The following FHDC1 variants were observed in gnomAD, a reference collection of about 807,000 sequenced individuals.
The protein encoded by FHDC1 is FH2 domain containing 1.
In FHDC1, 25 loss-of-function variants were observed where a neutral mutation model predicts 52.6. The observed-to-expected ratio is 0.48, with a 90% CI of 0.35 to 0.66. FHDC1 has a LOEUF of 0.66. FHDC1 is among the 30% of genes least tolerant of loss of function. The pLI, the probability that FHDC1 is intolerant of heterozygous loss-of-function variation, is 0.01. For synonymous variants in FHDC1, 616 were observed against 581.5 expected, an observed-to-expected ratio of 1.06 and a Z score of -0.85; for missense variants, 1,459 against 1,452.8, an observed-to-expected ratio of 1.00 and a Z score of -0.07.
the FHDC1 span, among the ~76,000 whole-genome samples, chr4:152,921,897 A>G: frequency 6.6e-6 from 1 of 152,214 alleles, no homozygotes; most frequent in African/African-American, 2.4e-5. Flanking sequence ...TGTCCACAAG[A>G]GAAAGCAGGA....
At chr4:152,955,103 T>A (rs999491576) in intron 4 of FHDC1, among the ~76,000 whole-genome samples, 8 of 152,008 alleles carry the variant, frequency 5.3e-5, no homozygotes, top group East Asian at 3.8e-4. Flanking sequence ...TATACTTTTT[T>A]TAAAAAAAAA....
chr4:152,958,048 C>T (rs544862239), intron 4 of FHDC1, among the ~76,000 whole-genome samples: 1 of 152,244 alleles, frequency 6.6e-6, no homozygotes, highest in East Asian at 1.9e-4. Flanking sequence ...TTCCCACCTT[C>T]TTGGTTGACT....
At chr4:152,932,874 G>A (rs1336605563), upstream of FHDC1, among the ~76,000 whole-genome samples, 5 of 152,194 alleles carry the variant, frequency 3.3e-5, no homozygotes, top group African/African-American at 1.2e-4. Context: ...AATACTTGAT[G>A]TAGGAGAAAC....
At chr4:152,951,179 A>C (rs1345024536) in intron 2 of FHDC1, among the ~76,000 whole-genome samples, 1 of 152,208 alleles carries the variant, frequency 6.6e-6, no homozygotes, top group East Asian at 1.9e-4. Flanking sequence ...TCCTAGGTGA[A>C]TGCAGAGGAA....
chr4:152,920,464 AG>A, the FHDC1 span, among the ~76,000 whole-genome samples: 1 of 152,204 alleles, frequency 6.6e-6, no homozygotes, highest in African/African-American at 2.4e-5. Context: ...ACTAATGAAA[AG>A]GGTACTTGAA....
the FHDC1 span, among the ~76,000 whole-genome samples, chr4:152,917,347 G>T: frequency 6.6e-6 from 1 of 151,980 alleles, no homozygotes; most frequent in Non-Finnish European, 1.5e-5. Flanking sequence ...TTATACACTG[G>T]TAATTTTTAA....
At chr4:152,927,977 G>C in the FHDC1 span, 2 of 1,488,528 alleles carry the variant, frequency 1.3e-6, no homozygotes, top group Non-Finnish European at 1.9e-6. Context: ...CCCTGAGCCA[G>C]ATGACAAGAA....
chr4:152,962,599 G>C (rs927198463), intron 6 of FHDC1, among the ~76,000 whole-genome samples: 1 of 152,148 alleles, frequency 6.6e-6, no homozygotes, highest in African/African-American at 2.4e-5. Flanking sequence ...ATACCTATTT[G>C]ATTTCCAAGT....
chr4:152,973,585 C>T (rs1377643225), intron 11 of FHDC1, among the ~76,000 whole-genome samples: 2 of 152,328 alleles, frequency 1.3e-5, no homozygotes, highest in Non-Finnish European at 2.9e-5. Context: ...GAGCCAGGCA[C>T]CGGCCCCACC....
intron 9 of FHDC1, among the ~76,000 whole-genome samples, chr4:152,965,936 C>A (rs191005182): frequency 2.0e-3 from 298 of 152,296 alleles, no homozygotes; most frequent in African/African-American, 6.7e-3. Context: ...GTTACTGATT[C>A]TATGAATATC....
Position 152,954,273 on chromosome 4 carries a change from C to T in FHDC1, c.617C>T (p.Ser206Leu). Residue 206 changes from serine (S) to leucine (L), a missense_variant, in exon 4 of 12, where the codon TCA (serine) becomes TTA (leucine). Transcript: ENST00000511601. ...IHQGKSEHYG[S>L]ETLREFLKFL... ...CAAGGAAAAAGTGAGCATTATGGAT[C>T]AGAGACCTTGCGAGAATTTCTTAAG... The T allele has an allele frequency of 1.2e-6, 2 of 1,614,188 alleles. No homozygotes were observed. Among genetic ancestry groups the T allele is most frequent in the Non-Finnish European group, 1.7e-6 (2 of 1,180,006 alleles).
the FHDC1 span, among the ~76,000 whole-genome samples, chr4:152,923,352 TAAAAG>T: frequency 3.5e-4 from 53 of 152,034 alleles, no homozygotes; most frequent in Non-Finnish European, 5.7e-4. Flanking sequence ...CTCAAGGAAA[TAAAAG>T]AGAATACAAA....
chr4:152,913,943 A>G, the FHDC1 span, among the ~76,000 whole-genome samples: 468 of 152,276 alleles, frequency 3.1e-3, 4 homozygotes, highest in African/African-American at 0.011. Context: ...CACCTCCCAA[A>G]GTGCTGGGAT....
intron 9 of FHDC1, among the ~76,000 whole-genome samples, chr4:152,966,785 A>G (rs1740469592): frequency 6.6e-6 from 1 of 152,036 alleles, no homozygotes; most frequent in Non-Finnish European, 1.5e-5. Flanking sequence ...TCTTGATTTG[A>G]TGTATATAAC....
At chr4:152,953,387 A>G in intron 2 of FHDC1, 112 bp from the exon 3 acceptor site, 5 of 776,218 alleles carry the variant, frequency 6.4e-6, no homozygotes, top group Non-Finnish European at 8.5e-6. Context: ...ATACATTGGG[A>G]ATTATTCTCT....
chr4:152,945,913 C>T (rs755187635), intron 2 of FHDC1, among the ~76,000 whole-genome samples: 2 of 152,214 alleles, frequency 1.3e-5, no homozygotes, highest in Non-Finnish European at 2.9e-5. Flanking sequence ...TAGCCCCTGG[C>T]AGGCACCATT....
At chr4:152,956,805 C>G (rs1239344756) in intron 4 of FHDC1, among the ~76,000 whole-genome samples, 1 of 152,200 alleles carries the variant, frequency 6.6e-6, no homozygotes. Context: ...CACTTCGCCT[C>G]CTTGTTTACA....
rs774934667 is a variant in FHDC1 at position 152,976,476 on chromosome 4, G to C, written c.3185G>C (p.Arg1062Pro). The C allele has an allele frequency of 1.9e-6, 3 of 1,613,480 alleles. No individual in the cohort carries two copies. The African/African-American group carries it at 4.0e-5, about 22-fold the overall frequency. Residue 1062 changes from arginine to proline, a missense_variant, in exon 12 of 12, where the codon CGG becomes CCG. Arg to Pro is a moderately radical substitution (Grantham distance 103). This residue lies in a region of FHDC1 where 939 missense variants were observed against 854.5 expected (regional missense o/e 1.10). Transcript: ENST00000511601. ...PPVAKAPGIT[R>P]TVSQRQLRVK... Reference sequence around the variant, plus strand: ...GTGGCCAAAGCCCCCGGCATCACTCGGACAGTGTCGCAGCGGCAGCTGAGG... The same window carrying C: ...GTGGCCAAAGCCCCCGGCATCACTCCGACAGTGTCGCAGCGGCAGCTGAGG...
intron 1 of FHDC1, among the ~76,000 whole-genome samples, chr4:152,939,247 TGTGTGTGTGTTTGAGTGTGTGTGTTTCA>T (rs1199024553): frequency 1.3e-3 from 200 of 151,900 alleles, no homozygotes; most frequent in African/African-American, 4.7e-3. Flanking sequence ...CCAGCTACTG[TGTGTGTGTGTTTGAGTGTGTGTGTTTCA>T]GTGTGTGTGT....
Sources: allele counts gnomAD v4.1 joint callset (sites outside exome capture counted in the v4.1 genomes callset), GRCh38; gene constraint gnomAD v4.1.1; regional missense constraint gnomAD v4.1.1; transcripts MANE v1.5; gene names NCBI Gene and HGNC (gene_info 2026-07-23, HGNC 2026-07-21).